Variants in AHRR observed in about 807,000 individuals in gnomAD.
AHRR encodes the protein ahR repressor.
Under a neutral mutation model 44.0 loss-of-function variants are expected in AHRR, and 28 were observed. The observed-to-expected ratio is 0.64, with a 90% CI of 0.47 to 0.87. AHRR has a LOEUF of 0.87. AHRR is among the 40% of genes least tolerant of loss of function. AHRR has a pLI of 0.00. For missense variants in AHRR, 990 were observed against 953.9 expected, an observed-to-expected ratio of 1.04 and a Z score of -0.50; for synonymous variants, 434 against 407.0, an observed-to-expected ratio of 1.07 and a Z score of -0.80.
chr5:364,354 C>T (rs1202740668), intron 3 of AHRR, among the ~76,000 whole-genome samples: 1 of 152,026 alleles, frequency 6.6e-6, no homozygotes, highest in Non-Finnish European at 1.5e-5. Context: ...AAATCAAACA[C>T]CTTGTGTAAA....
Position 387,841 on chromosome 5 carries a change from A to G in AHRR, c.351+11125A>G, listed in dbSNP as rs200306940. Among the ~76,000 whole-genome samples, 1 of 152,226 alleles carries G rather than the reference A, an allele frequency of 6.6e-6. No individual in the cohort carries two copies. Among genetic ancestry groups the G allele is most frequent in the East Asian group, 1.9e-4 (1 of 5,190 alleles). On this transcript the variant is annotated intron_variant, in intron 4 of 10. Transcript: ENST00000684583. This position sits in a 1 kb window ranked among gnomAD's most constrained non-coding sequence, Gnocchi z 5.1. Reference sequence around the variant, plus strand: ...TCGAACAACAGGGGTTATTCTTCACAGCCTGGAGGCCAGGAGCCAAAACCA... The same window carrying G: ...TCGAACAACAGGGGTTATTCTTCACGGCCTGGAGGCCAGGAGCCAAAACCA...
chr5:377,873 G>A (rs1733801315), intron 4 of AHRR, among the ~76,000 whole-genome samples: 3 of 152,228 alleles, frequency 2.0e-5, no homozygotes, highest in Admixed American at 6.5e-5. Flanking sequence ...CTTTGGAAGA[G>A]GCATGGAGGC....
chr5:332,755 G>C (rs1441507043), intron 1 of AHRR, among the ~76,000 whole-genome samples: 1 of 152,124 alleles, frequency 6.6e-6, no homozygotes, highest in African/African-American at 2.4e-5. Context: ...CTAATGCCAT[G>C]AGTAGTGTGT....
At chr5:376,513 T>C (rs1733666043) in intron 3 of AHRR, 97 bp from the exon 4 acceptor site, 12 of 1,307,448 alleles carry the variant, frequency 9.2e-6, no homozygotes, top group South Asian at 4.5e-5. Context: ...GTGAGAACCG[T>C]GGGGTGAACG....
chr5:434,982 G>A lies in AHRR; in HGVS notation c.*148G>A. 1 of 1,143,136 alleles carries A rather than the reference G, an allele frequency of 8.7e-7. No homozygotes were observed. The highest frequency in any genetic ancestry group is 2.6e-5 in the East Asian group (1 of 38,538). 70.8% of individuals were successfully genotyped at this position (1,143,136 alleles called of 1,614,324 possible). On this transcript the variant is annotated 3_prime_UTR_variant, in exon 11 of 11. Coordinates refer to ENST00000684583, the MANE Select transcript of AHRR (RefSeq NM_001377236.1). ...ATGCGCAGTCTGCTAGTGTGTGTGTGCAGCATACGCAGGAGCCTATCCTGA... is the reference window on the plus strand; with the variant it reads ...ATGCGCAGTCTGCTAGTGTGTGTGTACAGCATACGCAGGAGCCTATCCTGA...
At chr5:361,599 C>G (rs1560891543) in intron 3 of AHRR, among the ~76,000 whole-genome samples, 3 of 152,200 alleles carry the variant, frequency 2.0e-5, no homozygotes, top group African/African-American at 7.2e-5. Context: ...CTGGGCAGAG[C>G]ATGGAGTCAA....
chr5:403,134 G>A (rs1455552410), intron 4 of AHRR, among the ~76,000 whole-genome samples: 1 of 152,180 alleles, frequency 6.6e-6, no homozygotes, highest in African/African-American at 2.4e-5. Flanking sequence ...AAGCCTGCTT[G>A]ATTCGCTCAG....
intron 1 of AHRR, among the ~76,000 whole-genome samples, chr5:339,079 G>T (rs1742239904): frequency 6.6e-6 from 1 of 152,102 alleles, no homozygotes; most frequent in Non-Finnish European, 1.5e-5. Context: ...TTAGTTATAG[G>T]TAATTGGTTT....
At chr5:398,745 G>A (rs1480912004) in intron 4 of AHRR, among the ~76,000 whole-genome samples, 1 of 152,246 alleles carries the variant, frequency 6.6e-6, no homozygotes, top group Non-Finnish European at 1.5e-5. Context: ...ATGGGCTTCT[G>A]TGAGAAGGGC....
Position 423,937 on chromosome 5 carries a change from G to C in AHRR, c.668G>C (p.Cys223Ser), listed in dbSNP as rs193290532. The stretch of plus-strand genomic sequence containing the variant: ...GCCTTCCTGACCCGCTGCTTCATCT[G>C]CCGTGTGCGCTGCCTGCTGGACAGC... ...YSAFLTRCFI[C>S]RVRCLLDSTS... The change falls in exon 7 of 11, where the codon TGC becomes TCC. Residue 223 changes from cysteine to serine, a missense_variant. Cys to Ser is a moderately radical substitution (Grantham distance 112). Coordinates refer to ENST00000684583, the MANE Select transcript of AHRR (RefSeq NM_001377236.1). The C allele has an allele frequency of 3.4e-5, 55 of 1,601,926 alleles. No homozygotes were observed. In the Middle Eastern group the frequency reaches 6.6e-4, roughly 19 times the overall value.
At chr5:369,411 C>A (rs1186550144) in intron 3 of AHRR, among the ~76,000 whole-genome samples, 1 of 152,266 alleles carries the variant, frequency 6.6e-6, no homozygotes, top group African/African-American at 2.4e-5. Flanking sequence ...CTTTGTCCCA[C>A]AGGGTGGACT....
At chr5:399,561 G>A (rs529690405) in intron 4 of AHRR, among the ~76,000 whole-genome samples, 4 of 152,320 alleles carry the variant, frequency 2.6e-5, no homozygotes, top group African/African-American at 9.6e-5. Flanking sequence ...GCTGCTCACC[G>A]CCGCCCTCAC....
chr5:432,527 A>G lies in AHRR; in HGVS notation c.970+3A>G. On this transcript the variant is annotated splice_donor_region_variant and intron_variant, in intron 9 of 10. Transcript: ENST00000684583. ...TGGAAAACCCAATTACTCAGCAGGT[A>G]CTTAGAACATTTCTTATCTGATCTT... 1 of 1,613,596 alleles carries G rather than the reference A, an allele frequency of 6.2e-7. No individual in the cohort carries two copies. The highest frequency in any genetic ancestry group is 8.5e-7 in the Non-Finnish European group (1 of 1,179,472).
At chr5:397,072 C>G in intron 4 of AHRR, among the ~76,000 whole-genome samples, 1 of 101,366 alleles carries the variant, frequency 9.9e-6, no homozygotes, top group East Asian at 2.1e-4. Context: ...TCCACGTAGC[C>G]CCTGACCATC....
rs1394332368 is a variant in AHRR at position 364,980 on chromosome 5, A to T, written c.244+11069A>T. On this transcript the variant is annotated intron_variant, in intron 3 of 10. Transcript: ENST00000684583. The stretch of plus-strand genomic sequence containing the variant: ...TGAATTTTATTCTTTCCATAACATA[A>T]TTTCAAAATCTGTAAAGCAAATATT... Among the ~76,000 whole-genome samples, 8 of 152,124 alleles carry T rather than the reference A, an allele frequency of 5.3e-5. No individual in the cohort carries two copies. The East Asian group carries it at 1.5e-3, about 29-fold the overall frequency.
At chr5:347,015 C>T (rs909227317) in intron 2 of AHRR, among the ~76,000 whole-genome samples, 1 of 152,176 alleles carries the variant, frequency 6.6e-6, no homozygotes, top group African/African-American at 2.4e-5. Flanking sequence ...AAAGCACGGG[C>T]GTTTGTAATT....
At position 436,049 on chromosome 5, in the gene AHRR, T is replaced by G. The variant is rs1171660695; in HGVS notation, c.*1215T>G. On this transcript the variant is annotated 3_prime_UTR_variant, in exon 11 of 11. Coordinates refer to ENST00000684583, the MANE Select transcript of AHRR (RefSeq NM_001377236.1). Reference sequence around the variant, plus strand: ...CCCCAAGCAAGAGGAAGCCAGGCAGTGAGGCCCTGGGGTGTGGCTGCAGCT... The same window carrying G: ...CCCCAAGCAAGAGGAAGCCAGGCAGGGAGGCCCTGGGGTGTGGCTGCAGCT... 1 of 152,768 alleles carries G rather than the reference T, an allele frequency of 6.5e-6. No individual in the cohort carries two copies. The highest frequency in any genetic ancestry group is 1.5e-5 in the Non-Finnish European group (1 of 68,186). 9.5% of individuals were successfully genotyped at this position (152,768 alleles called of 1,614,324 possible). A position where few individuals can be genotyped will look rare whatever the true frequency, so the allele number is the denominator to read the frequency against.
chr5:355,393 C>T (rs1743003523), intron 3 of AHRR, among the ~76,000 whole-genome samples: 1 of 152,188 alleles, frequency 6.6e-6, no homozygotes, highest in Non-Finnish European at 1.5e-5. Context: ...GGCTCAGCAG[C>T]GCCAATGGCA....
chr5:359,855 T>A (rs1251677838), intron 3 of AHRR, among the ~76,000 whole-genome samples: 1 of 152,176 alleles, frequency 6.6e-6, no homozygotes, highest in African/African-American at 2.4e-5. Flanking sequence ...AACTCTGGAA[T>A]CCCACACTTG....
Sources: gnomAD v4.1 joint callset for allele counts (sites outside exome capture counted in the v4.1 genomes callset) on GRCh38, gnomAD v4.1.1 for gene constraint, Gnocchi (gnomAD v3.1) non-coding constraint, MANE v1.5 for transcripts, NCBI Gene and HGNC (gene_info 2026-07-23, HGNC 2026-07-21) for gene names.